USP25: variants seen among roughly 807,000 people sequenced by gnomAD.
USP25 encodes the protein ubiquitin carboxyl-terminal hydrolase 25.
Under a neutral mutation model 158.5 loss-of-function variants are expected in USP25, and 85 were observed. That is an observed-to-expected ratio of 0.54 (90% confidence interval 0.45 to 0.64). The LOEUF is 0.64. USP25 is among the 30% of genes least tolerant of loss of function. The pLI is 0.00. For missense variants in USP25, 1,242 were observed against 1,327.3 expected (o/e 0.94, Z 1.00); for synonymous variants, 464 against 460.4 (o/e 1.01, Z -0.10).
In USP25 at chr21:15,816,525, G is replaced by C. The variant is rs17307190; in HGVS notation, c.932-2173G>C. ...TTGTGGCTTTTTTCCTGCCTCAGTG[G>C]GTACTTCTAAGAAAAGTTGTATTTA... On this transcript the variant is annotated intron_variant, in intron 9 of 25. Transcript: ENST00000400183. The surrounding 1 kb of genome is among the most constrained non-coding windows in gnomAD (Gnocchi z 4.0). Among the ~76,000 whole-genome samples, 11,574 of 151,980 alleles carry C rather than the reference G, an allele frequency of 0.076. 501 individuals are homozygous for C. Among genetic ancestry groups the C allele is most frequent in the East Asian group, 0.091 (472 of 5,164 alleles).
chr21:15,766,099 G>T lies in USP25; in HGVS notation c.226G>T (p.Gly76Cys), dbSNP rs1239041637. The T allele has an allele frequency of 6.2e-7, 1 of 1,609,638 alleles. No homozygotes were observed. The highest frequency in any genetic ancestry group is 1.3e-5 in the African/African-American group (1 of 74,688). ...AACTTACTACCAAACAGCACTTCCT[G>T]GCAATGATAGATACATCAGTGTGGG... Reference protein sequence around the residue: ...ETTYYQTALPGNDRYISVGSQ... With the variant: ...ETTYYQTALPCNDRYISVGSQ... Residue 76 changes from glycine to cysteine, a missense_variant, in exon 3 of 26, where the codon GGC (glycine) becomes TGC (cysteine). This residue lies in a region of USP25 where 627 missense variants were observed against 701.4 expected (regional missense o/e 0.89). Coordinates refer to ENST00000400183, the MANE Select transcript of USP25 (RefSeq NM_001283041.3). This position sits in a 1 kb window ranked among gnomAD's most constrained non-coding sequence, Gnocchi z 4.0.
chr21:15,862,168 A>G (rs1283290231), intron 20 of USP25, among the ~76,000 whole-genome samples: 1 of 152,134 alleles, frequency 6.6e-6, no homozygotes, highest in African/African-American at 2.4e-5. Context: ...GCTATTTTGT[A>G]CTAAAGTATG....
intron 17 of USP25, among the ~76,000 whole-genome samples, chr21:15,839,855 A>G (rs1334031790): frequency 6.6e-6 from 1 of 152,072 alleles, no homozygotes; most frequent in Non-Finnish European, 1.5e-5. Context: ...ATGTTCATGA[A>G]GTATCCTTCA....
chr21:15,862,911 A>AT (rs551802764), intron 20 of USP25, among the ~76,000 whole-genome samples: 61 of 152,024 alleles, frequency 4.0e-4, no homozygotes, highest in African/African-American at 1.4e-3. Context: ...TTTATCAGTT[A>AT]TTTTTTCTCC....
chr21:15,825,016 A>G lies in USP25; in HGVS notation c.1259A>G (p.Lys420Arg). ...ACAAGAATTAAGAGGGAAGAGATCA[A>G]GAGACTGAAAGATTACCTCACGGTA... is the stretch of plus-strand genomic sequence containing the variant. ...EITRIKREEI[K>R]RLKDYLTVLQ... is the part of the protein sequence containing the mutation. The change falls in exon 12 of 26, where the codon AAG becomes AGG. Residue 420 changes from lysine to arginine, a missense_variant. By Grantham distance (26) the Lys-to-Arg change is conservative. This residue lies in a region of USP25 where 627 missense variants were observed against 701.4 expected (regional missense o/e 0.89). Coordinates refer to ENST00000400183, the MANE Select transcript of USP25 (RefSeq NM_001283041.3). 6.2e-7 allele frequency: 1 copy of G among 1,612,262 alleles called. No homozygotes were observed. The highest frequency in any genetic ancestry group is 1.7e-5 in the Admixed American group (1 of 59,526).
At chr21:15,857,893 CATAAA>C (rs755026248) in intron 20 of USP25, among the ~76,000 whole-genome samples, 1 of 152,012 alleles carries the variant, frequency 6.6e-6, no homozygotes, top group Non-Finnish European at 1.5e-5. Context: ...ATAGTCTAAA[CATAAA>C]ATACTGACTA....
chr21:15,878,118 CAT>C, intron 25 of USP25, 127 bp downstream of exon 25: 2 of 1,030,872 alleles, frequency 1.9e-6, no homozygotes, highest in Non-Finnish European at 2.7e-6. Flanking sequence ...TTCACATTCA[CAT>C]GATTACTCTT....
intron 14 of USP25, among the ~76,000 whole-genome samples, chr21:15,829,926 T>C (rs1465459846): frequency 6.6e-6 from 1 of 152,194 alleles, no homozygotes; most frequent in Non-Finnish European, 1.5e-5. Context: ...CCTGATTGGT[T>C]CAGCAGCTTC....
At chr21:15,752,939 A>C (rs990785103) in intron 1 of USP25, among the ~76,000 whole-genome samples, 1 of 152,258 alleles carries the variant, frequency 6.6e-6, no homozygotes, top group African/African-American at 2.4e-5. Context: ...GTTACCCGCC[A>C]AAAACTTGAA....
In USP25 at chr21:15,866,294, G is replaced by A. The variant is rs759778535; in HGVS notation, c.2755G>A (p.Ala919Thr). ...RCHNIMKVAQ[A>T]KLEMIKPEEV... The stretch of plus-strand genomic sequence containing the variant: ...TCACAACATAATGAAAGTTGCTCAA[G>A]CCAAACTGGAAATGATAAAACCTGA... Residue 919 changes from alanine (A) to threonine (T), a missense_variant, in exon 22 of 26, where the codon GCC becomes ACC. Coordinates refer to ENST00000400183, the MANE Select transcript of USP25 (RefSeq NM_001283041.3). 5.6e-6 allele frequency: 9 copies of A among 1,604,196 alleles called. No individual in the cohort carries two copies. The highest frequency in any genetic ancestry group is 6.8e-6 in the Non-Finnish European group (8 of 1,175,412).
intron 20 of USP25, among the ~76,000 whole-genome samples, chr21:15,859,233 C>T (rs1245749141): frequency 2.7e-5 from 4 of 150,554 alleles, no homozygotes; most frequent in African/African-American, 9.7e-5. Context: ...CGCTCTGTCG[C>T]CCAGGCTGGA....
chr21:15,821,129 CACT>C (rs2037213216), intron 10 of USP25, among the ~76,000 whole-genome samples: 2 of 151,830 alleles, frequency 1.3e-5, no homozygotes. Flanking sequence ...TGTGAGTATT[CACT>C]ACTACCAGTG....
Position 15,866,334 on chromosome 21 carries a change from A to G in USP25, c.2795A>G (p.Glu932Gly). 6.2e-7 allele frequency: 1 copy of G among 1,603,404 alleles called. No homozygotes were observed. The change falls in exon 22 of 26, where the codon GAG becomes GGG. Residue 932 changes from glutamate (E) to glycine (G), a missense_variant. Glu to Gly is a moderately conservative substitution (Grantham distance 98). Around this residue, in one of 3 missense-constraint regions of USP25, gnomAD observed 608 missense variants for 605.2 expected, o/e 1.00. Coordinates refer to ENST00000400183, the MANE Select transcript of USP25 (RefSeq NM_001283041.3). ...ATAAAACCTGAAGAAGTAAACTTGG[A>G]GGAATATGAGGTAATGTGCTTTCTT... ...EMIKPEEVNL[E>G]EYEEWHQDYR...
At chr21:15,748,007 A>G (rs990549970) in intron 1 of USP25, among the ~76,000 whole-genome samples, 1 of 152,140 alleles carries the variant, frequency 6.6e-6, no homozygotes, top group Non-Finnish European at 1.5e-5. Flanking sequence ...TTGAACTTCC[A>G]TGTCCTGTTT....
rs2040156733 is a variant in USP25, at chr21:15,877,779, T to C, written c.3010-17T>C. ...AAACAAAAACCTATTCTTTTTTTTT[T>C]CCTGCATTGCATTAAGAAATTAAAT... On this transcript the variant is annotated splice_polypyrimidine_tract_variant and intron_variant, in intron 24 of 25. Coordinates refer to ENST00000400183, the MANE Select transcript of USP25 (RefSeq NM_001283041.3). 2 of 1,554,190 alleles carry C rather than the reference T, an allele frequency of 1.3e-6. No individual in the cohort carries two copies. The highest frequency in any genetic ancestry group is 1.4e-5 in the African/African-American group (1 of 71,688).
intron 22 of USP25, among the ~76,000 whole-genome samples, chr21:15,869,553 T>C (rs1314598366): frequency 1.3e-5 from 2 of 152,172 alleles, no homozygotes; most frequent in African/African-American, 2.4e-5. Context: ...CCATATCTCA[T>C]GTAAATAAAC....
intron 1 of USP25, among the ~76,000 whole-genome samples, chr21:15,736,882 A>G (rs998732014): frequency 2.7e-5 from 4 of 148,140 alleles, no homozygotes; most frequent in African/African-American, 4.9e-5. Flanking sequence ...GGTCTGTTGT[A>G]TAATGCTTTT....
chr21:15,865,514 C>T (rs970715208), intron 21 of USP25, among the ~76,000 whole-genome samples: 1 of 152,094 alleles, frequency 6.6e-6, no homozygotes, highest in African/African-American at 2.4e-5. Flanking sequence ...TGAATGTTGG[C>T]CACTACTGTT....
At chr21:15,807,029 T>G (rs1401519472) in intron 7 of USP25, among the ~76,000 whole-genome samples, 1 of 152,096 alleles carries the variant, frequency 6.6e-6, no homozygotes, top group East Asian at 1.9e-4. Context: ...GCTCAACCCT[T>G]CCCCAGACCT....
Sources: gnomAD v4.1 joint callset for allele counts (sites outside exome capture counted in the v4.1 genomes callset) on GRCh38, gnomAD v4.1.1 for gene constraint, gnomAD v4.1.1 regional missense constraint, Gnocchi (gnomAD v3.1) non-coding constraint, MANE v1.5 for transcripts, NCBI Gene and HGNC (gene_info 2026-07-23, HGNC 2026-07-21) for gene names.